PAX1: variants seen among roughly 807,000 people sequenced by gnomAD.
PAX1 encodes paired box 1, also known as paired box protein Pax-1.
A neutral mutation model predicts 35.6 loss-of-function variants in PAX1; 18 were observed. That is an observed-to-expected ratio of 0.50 (90% CI 0.35 to 0.75). PAX1 has a LOEUF of 0.75. Among genes scored for constraint, PAX1 ranks in the 30% least tolerant of loss-of-function variants. PAX1 has a pLI of 0.01. For synonymous variants in PAX1, 397 were observed against 305.2 expected (o/e 1.30, Z -3.14); for missense variants, 760 against 661.5 (o/e 1.15, Z -1.63).
chr20:21,713,385 TGTGTGTG>T (rs1985262434), intron 4 of PAX1, among the ~76,000 whole-genome samples: 2 of 144,348 alleles, frequency 1.4e-5, no homozygotes, highest in African/African-American at 5.0e-5. Context: ...TTTTTTTTTG[TGTGTGTG>T]TGTGTGTGTG....
Position 21,705,925 on chromosome 20 carries a change from G to T in PAX1, c.213G>T (p.Pro71=), listed in dbSNP as rs932478122. The change falls in exon 1 of 5, where the codon CCG becomes CCT. Residue 71 remains proline (P), a synonymous_variant. Transcript: ENST00000613128. ...GCGGCGGCGGCGCCCAAGCTCTCCCGGACTGCGCCGGGCCCAGCCCCGGCC... is the reference window on the plus strand; with the variant it reads ...GCGGCGGCGGCGCCCAAGCTCTCCCTGACTGCGCCGGGCCCAGCCCCGGCC... ...SRGGGGAQAL[P]DCAGPSPGHP... is the part of the protein sequence containing the mutation. 8 of 1,464,458 alleles carry T rather than the reference G, an allele frequency of 5.5e-6. No individual in the cohort carries two copies. Among genetic ancestry groups the T allele is most frequent in the Non-Finnish European group, 7.2e-6 (8 of 1,115,462 alleles). The allele number at this position is 1,464,458 out of a possible 1,614,324, so 90.7% of individuals were successfully genotyped here.
Position 21,706,716 on chromosome 20 carries a change from C to T in PAX1, c.565C>T (p.Pro189Ser). 1 of 1,613,636 alleles carries T rather than the reference C, an allele frequency of 6.2e-7. No individual in the cohort carries two copies. The part of the protein sequence containing the change: ...KHIRDYKQGD[P>S]GIFAWEIRDR... ...CATCCGGGACTACAAGCAAGGAGAC[C>T]CTGGCATCTTTGCCTGGGAGATCCG... Residue 189 changes from proline to serine, a missense_variant, in exon 2 of 5, where the codon CCT becomes TCT. Coordinates refer to ENST00000613128, the MANE Select transcript of PAX1 (RefSeq NM_001257096.2). The surrounding 1 kb of genome is among the most constrained non-coding windows in gnomAD (Gnocchi z 5.3).
At position 21,714,751 on chromosome 20, in the gene PAX1, C is replaced by T. The variant is rs1422596464; in HGVS notation, c.*189C>T. On this transcript the variant is annotated 3_prime_UTR_variant, in exon 5 of 5. Transcript: ENST00000613128. ...CAGCCCTGCCTCTGGCCGGACCCAC[C>T]ACACTTCCTTTATTGGTCTGGGTTT... 6.2e-7 allele frequency: 1 copy of T among 1,602,950 alleles called. No homozygotes were observed. Among genetic ancestry groups the T allele is most frequent in the Non-Finnish European group, 8.5e-7 (1 of 1,179,916 alleles).
chr20:21,710,387 A>G (rs1985162437), intron 4 of PAX1, among the ~76,000 whole-genome samples: 2 of 152,212 alleles, frequency 1.3e-5, no homozygotes, highest in Admixed American at 1.3e-4. Flanking sequence ...TTAGGTTCTG[A>G]GCACCAGAAA....
At chr20:21,712,247 A>G (rs1442850202) in intron 4 of PAX1, among the ~76,000 whole-genome samples, 1 of 152,218 alleles carries the variant, frequency 6.6e-6, no homozygotes, top group Non-Finnish European at 1.5e-5. Context: ...TGTGTTATTT[A>G]ATACTATAAT....
chr20:21,715,141 T>G lies in PAX1; in HGVS notation c.*579T>G, dbSNP rs1453116115. 9 of 398,200 alleles carry G rather than the reference T, an allele frequency of 2.3e-5. No individual in the cohort carries two copies. The highest frequency in any genetic ancestry group is 4.2e-5 in the Non-Finnish European group (9 of 214,504). 24.7% of individuals were successfully genotyped at this position (398,200 alleles called of 1,614,324 possible). Reference sequence around the variant, plus strand: ...TTTCCTGGTCCATCCCTGTCGTTCCTTCTCTCTCTGTCTCTGGTTCTACTG... The same window carrying G: ...TTTCCTGGTCCATCCCTGTCGTTCCGTCTCTCTCTGTCTCTGGTTCTACTG... On this transcript the variant is annotated 3_prime_UTR_variant, in exon 5 of 5. Transcript: ENST00000613128.
In PAX1 at chr20:21,710,595, C is replaced by T. The variant is rs143640202; in HGVS notation, c.1282+1151C>T. Among the ~76,000 whole-genome samples, 72 of 148,292 alleles carry T rather than the reference C, an allele frequency of 4.9e-4. 1 individual carries two copies. The East Asian group carries it at 0.013, about 27-fold the overall frequency. Reference sequence around the variant, plus strand: ...GTAGTGGCAGGTGGCAGTGGGCAGGCAGGGGACAGGAGGGCCATCCTCCTT... The same window carrying T: ...GTAGTGGCAGGTGGCAGTGGGCAGGTAGGGGACAGGAGGGCCATCCTCCTT... On this transcript the variant is annotated intron_variant, in intron 4 of 4. Transcript: ENST00000613128.
At position 21,709,487 on chromosome 20, in the gene PAX1, T is replaced by C. The variant is rs529337781; in HGVS notation, c.1282+43T>C. The stretch of plus-strand genomic sequence containing the variant: ...TGGGGCGGGTGGATGCTGGAAGGGT[T>C]AGGAAGGGTACTGGGGAGCGGGTGT... On this transcript the variant is annotated intron_variant, in intron 4 of 4. Transcript: ENST00000613128. 70 of 1,420,262 alleles carry C rather than the reference T, an allele frequency of 4.9e-5. No homozygotes were observed. In the South Asian group the frequency reaches 9.1e-4, roughly 18 times the overall value. The allele number at this position is 1,420,262 out of a possible 1,614,324, so 88.0% of individuals were successfully genotyped here.
rs554860153 is a variant in PAX1, at chr20:21,706,195, A to G, written c.286+197A>G. ...GGGAGTGTTCCAAGTAGACGCGCTA[A>G]AAGTCGCGAAAGGGCACGGAGGGCT... On this transcript the variant is annotated intron_variant, in intron 1 of 4. Coordinates refer to ENST00000613128, the MANE Select transcript of PAX1 (RefSeq NM_001257096.2). The surrounding 1 kb of genome is among the most constrained non-coding windows in gnomAD (Gnocchi z 5.3). The G allele has an allele frequency of 1.2e-5, 9 of 769,086 alleles. No individual in the cohort carries two copies. In the Admixed American group the frequency reaches 1.2e-4, roughly 10 times the overall value. 47.6% of individuals were successfully genotyped at this position (769,086 alleles called of 1,614,324 possible).
chr20:21,714,645 G>C lies in PAX1; in HGVS notation c.*83G>C, dbSNP rs772587535. The C allele has an allele frequency of 3.3e-5, 53 of 1,588,282 alleles. No homozygotes were observed. The highest frequency in any genetic ancestry group is 6.8e-5 in the East Asian group (3 of 43,978). On this transcript the variant is annotated 3_prime_UTR_variant, in exon 5 of 5. Transcript: ENST00000613128. ...GGTCTGCGCGGCGGCCCCGGCAATC[G>C]GCACGGGCAGGATCGGAGGACTCGC...
Position 21,715,490 on chromosome 20 carries a change from C to A in PAX1, c.*928C>A, listed in dbSNP as rs764903882. On this transcript the variant is annotated 3_prime_UTR_variant, in exon 5 of 5. Coordinates refer to ENST00000613128, the MANE Select transcript of PAX1 (RefSeq NM_001257096.2). ...CCCAGTGGCCGCCGGGCTTCTCTTC[C>A]CTTCTGAGATGATGTCACCCCAAAG... 6.6e-6 allele frequency: 1 copy of A among 152,612 alleles called. No individual in the cohort carries two copies. Among genetic ancestry groups the A allele is most frequent in the Non-Finnish European group, 1.5e-5 (1 of 68,452 alleles). The allele number at this position is 152,612 out of a possible 1,614,324, so 9.5% of individuals were successfully genotyped here.
rs1352705969 is a variant in PAX1, at chr20:21,717,093, T to G, written c.*2531T>G. The G allele has an allele frequency of 6.6e-6, 1 of 152,268 alleles. No homozygotes were observed. Among genetic ancestry groups the G allele is most frequent in the African/African-American group, 2.4e-5 (1 of 41,462 alleles). 9.4% of individuals were successfully genotyped at this position (152,268 alleles called of 1,614,324 possible). A position where few individuals can be genotyped will look rare whatever the true frequency, so the allele number is the denominator to read the frequency against. ...AAGCACCTGTGTTTTAAGTGCCACC[T>G]GCAAAGGGAGGCATTTTTCAAATCT... On this transcript the variant is annotated 3_prime_UTR_variant, in exon 5 of 5. Coordinates refer to ENST00000613128, the MANE Select transcript of PAX1 (RefSeq NM_001257096.2).
rs768462092 is a variant in PAX1 at position 21,714,700 on chromosome 20, G to T, written c.*138G>T. ...GAGGAAGCCAGTGCCGGCCCGCGGG[G>T]TGCACGCCCAGCCAGCCCCCAGGCC... is the stretch of plus-strand genomic sequence containing the variant. On this transcript the variant is annotated 3_prime_UTR_variant, in exon 5 of 5. Transcript: ENST00000613128. The T allele has an allele frequency of 3.1e-5, 49 of 1,606,094 alleles. No individual in the cohort carries two copies. The highest frequency in any genetic ancestry group is 1.6e-4 in the Middle Eastern group (1 of 6,078).
chr20:21,706,073 C>G lies in PAX1; in HGVS notation c.286+75C>G. The G allele has an allele frequency of 1.6e-6, 2 of 1,240,930 alleles. No individual in the cohort carries two copies. Among genetic ancestry groups the G allele is most frequent in the Non-Finnish European group, 2.2e-6 (2 of 910,374 alleles). 76.9% of individuals were successfully genotyped at this position (1,240,930 alleles called of 1,614,324 possible). A position where few individuals can be genotyped will look rare whatever the true frequency, so the allele number is the denominator to read the frequency against. On this transcript the variant is annotated intron_variant, in intron 1 of 4. Transcript: ENST00000613128. The surrounding 1 kb of genome is among the most constrained non-coding windows in gnomAD (Gnocchi z 5.3). ...GGGTCCGCCTGCCTCCCTTCCCTCT[C>G]GTCCGCTTTCCCTGGGCGACCCAGT...
chr20:21,706,260 T>C lies in PAX1; in HGVS notation c.287-178T>C. Reference sequence around the variant, plus strand: ...TCCACTCCGCGGCTCCTCTGCGCCCTTGCCCACTCCAAGCCAGACCCAGGC... The same window carrying C: ...TCCACTCCGCGGCTCCTCTGCGCCCCTGCCCACTCCAAGCCAGACCCAGGC... On this transcript the variant is annotated intron_variant, in intron 1 of 4. Coordinates refer to ENST00000613128, the MANE Select transcript of PAX1 (RefSeq NM_001257096.2). This position sits in a 1 kb window ranked among gnomAD's most constrained non-coding sequence, Gnocchi z 5.3. 1 of 892,198 alleles carries C rather than the reference T, an allele frequency of 1.1e-6. No homozygotes were observed. The allele number at this position is 892,198 out of a possible 1,614,324, so 55.3% of individuals were successfully genotyped here.
Position 21,714,747 on chromosome 20 carries a change from C to A in PAX1, c.*185C>A. On this transcript the variant is annotated 3_prime_UTR_variant, in exon 5 of 5. Coordinates refer to ENST00000613128, the MANE Select transcript of PAX1 (RefSeq NM_001257096.2). ...GGCCCAGCCCTGCCTCTGGCCGGACCCACCACACTTCCTTTATTGGTCTGG... is the reference window on the plus strand; with the variant it reads ...GGCCCAGCCCTGCCTCTGGCCGGACACACCACACTTCCTTTATTGGTCTGG... The A allele has an allele frequency of 3.1e-6, 5 of 1,603,340 alleles. No homozygotes were observed. Among genetic ancestry groups the A allele is most frequent in the Non-Finnish European group, 4.2e-6 (5 of 1,179,930 alleles).
At position 21,706,532 on chromosome 20, in the gene PAX1, G is replaced by A. The variant is rs770700593; in HGVS notation, c.381G>A (p.Ala127=). Residue 127 remains alanine, a synonymous_variant, in exon 2 of 5, where the codon GCG becomes GCA. Coordinates refer to ENST00000613128, the MANE Select transcript of PAX1 (RefSeq NM_001257096.2). The surrounding 1 kb of genome is among the most constrained non-coding windows in gnomAD (Gnocchi z 5.3). The part of the protein sequence containing the change: ...NAIRLRIVEL[A]QLGIRPCDIS... ...TCCGCTTGCGCATTGTGGAGCTGGC[G>A]CAGCTGGGCATCCGACCCTGTGACA... is the stretch of plus-strand genomic sequence containing the variant. 1.2e-6 allele frequency: 2 copies of A among 1,612,320 alleles called. No homozygotes were observed. Among genetic ancestry groups the A allele is most frequent in the Non-Finnish European group, 8.5e-7 (1 of 1,179,996 alleles).
intron 4 of PAX1, among the ~76,000 whole-genome samples, 173 bp downstream of exon 4, chr20:21,709,617 C>T (rs913173393): frequency 6.6e-6 from 1 of 152,138 alleles, no homozygotes; most frequent in Non-Finnish European, 1.5e-5. Flanking sequence ...CAGATTAGTT[C>T]TGACAGGTGT....
At position 21,706,211 on chromosome 20, in the gene PAX1, A is replaced by G. The variant is rs540613641; in HGVS notation, c.286+213A>G. 7 of 772,894 alleles carry G rather than the reference A, an allele frequency of 9.1e-6. No individual in the cohort carries two copies. The South Asian group carries it at 1.0e-4, about 11-fold the overall frequency. The allele number at this position is 772,894 out of a possible 1,614,324, so 47.9% of individuals were successfully genotyped here. ...GACGCGCTAAAAGTCGCGAAAGGGC[A>G]CGGAGGGCTACAATGCGCCGCGCTC... On this transcript the variant is annotated intron_variant, in intron 1 of 4. Coordinates refer to ENST00000613128, the MANE Select transcript of PAX1 (RefSeq NM_001257096.2). The surrounding 1 kb of genome is among the most constrained non-coding windows in gnomAD (Gnocchi z 5.3).
Sources: allele counts gnomAD v4.1 joint callset (sites outside exome capture counted in the v4.1 genomes callset), GRCh38; gene constraint gnomAD v4.1.1; non-coding constraint Gnocchi (gnomAD v3.1); transcripts MANE v1.5; gene names NCBI Gene and HGNC (gene_info 2026-07-23, HGNC 2026-07-21).